The following MYO1B variants were observed in gnomAD, a reference collection of about 807,000 sequenced individuals.
The protein encoded by MYO1B is myosin IB.
MYO1B carries 72 observed loss-of-function variants against 159.7 expected under a neutral mutation model. The ratio of observed to expected loss-of-function variants is 0.45; its 90% confidence interval spans 0.37 to 0.55. MYO1B has a LOEUF of 0.55. MYO1B is among the 20% of genes least tolerant of loss of function. The probability of loss-of-function intolerance (pLI) is 0.00; values close to 1 mark genes in which losing one functional copy is unlikely to be tolerated. For synonymous variants in MYO1B, 468 were observed against 473.8 expected (o/e 0.99, Z 0.16); for missense variants, 1,062 against 1,364.8 (o/e 0.78, Z 3.50).
rs376520033 is a variant in MYO1B at position 191,284,702 on chromosome 2, G to T, written c.135+7672G>T. Among the ~76,000 whole-genome samples, 4 of 152,044 alleles carry T rather than the reference G, an allele frequency of 2.6e-5. No individual in the cohort carries two copies. The East Asian group carries it at 7.7e-4, about 29-fold the overall frequency. On this transcript the variant is annotated intron_variant, in intron 2 of 30. Coordinates refer to ENST00000392318, the MANE Select transcript of MYO1B (RefSeq NM_001130158.3). ...GGCTGGAGTACAGTGGCACCATCTT[G>T]GTTCATTACAACCTCTGCCTCCTGG...
chr2:191,357,630 T>C (rs192560141), intron 7 of MYO1B, among the ~76,000 whole-genome samples: 1 of 152,322 alleles, frequency 6.6e-6, no homozygotes, highest in Admixed American at 6.5e-5. Context: ...AGAGGCTCAA[T>C]TGGCGGTGGT....
At chr2:191,400,296 G>T (rs1007670246) in intron 21 of MYO1B, 86 bp from the exon 22 acceptor site, 8 of 1,410,334 alleles carry the variant, frequency 5.7e-6, no homozygotes, top group South Asian at 1.2e-5. Flanking sequence ...GTGTTAGGAC[G>T]ATCATCTCTT....
At chr2:191,271,941 G>A (rs2125722709) in intron 1 of MYO1B, among the ~76,000 whole-genome samples, 1 of 152,244 alleles carries the variant, frequency 6.6e-6, no homozygotes, top group South Asian at 2.1e-4. Flanking sequence ...GTTAGTGATT[G>A]GGTAGACTCA....
chr2:191,376,620 T>C (rs548362803), intron 13 of MYO1B, among the ~76,000 whole-genome samples: 22 of 152,350 alleles, frequency 1.4e-4, no homozygotes, highest in African/African-American at 5.3e-4. Flanking sequence ...CAGCATGTTA[T>C]ATTCAAAATT....
intron 25 of MYO1B, among the ~76,000 whole-genome samples, chr2:191,408,516 G>A (rs1213434883): frequency 6.6e-6 from 1 of 152,124 alleles, no homozygotes; most frequent in African/African-American, 2.4e-5. Context: ...CTGTGGCAGG[G>A]CAAGGCTGGC....
intron 24 of MYO1B, among the ~76,000 whole-genome samples, chr2:191,403,294 A>G (rs1696726683): frequency 1.3e-5 from 2 of 152,190 alleles, no homozygotes; most frequent in African/African-American, 4.8e-5. Context: ...CTCGAATTCA[A>G]ATACCTTGTG....
intron 1 of MYO1B, among the ~76,000 whole-genome samples, chr2:191,270,568 C>T (rs1476709287): frequency 6.6e-6 from 1 of 152,078 alleles, no homozygotes. Context: ...TTAATCTAAC[C>T]CCTCTCAGAG....
chr2:191,387,280 C>T lies in MYO1B; in HGVS notation c.1611C>T (p.Asp537=). The change falls in exon 17 of 31, where the codon GAC becomes GAT. Residue 537 remains aspartate, a synonymous_variant. Transcript: ENST00000392318. ...VDKNNDLLYR[D]LSQAMWKASH... ...AAAACAATGACCTTCTCTATCGAGACCTGTCCCAAGCCATGTGGAAGGCCA... is the reference window on the plus strand; with the variant it reads ...AAAACAATGACCTTCTCTATCGAGATCTGTCCCAAGCCATGTGGAAGGCCA... 6.2e-7 allele frequency: 1 copy of T among 1,614,154 alleles called. No individual in the cohort carries two copies. The highest frequency in any genetic ancestry group is 8.5e-7 in the Non-Finnish European group (1 of 1,180,036).
chr2:191,318,018 T>C (rs1473677091), intron 3 of MYO1B, among the ~76,000 whole-genome samples: 1 of 152,220 alleles, frequency 6.6e-6, no homozygotes, highest in African/African-American at 2.4e-5. Flanking sequence ...CCAGTTTTTT[T>C]CTGAGCATAT....
chr2:191,285,436 G>A (rs530268908), intron 2 of MYO1B, among the ~76,000 whole-genome samples: 2 of 152,256 alleles, frequency 1.3e-5, no homozygotes, highest in South Asian at 2.1e-4. Context: ...ACAAACTTGC[G>A]GCCACCGTCG....
At chr2:191,350,583 T>TA (rs576583628) in intron 7 of MYO1B, among the ~76,000 whole-genome samples, 6 of 151,624 alleles carry the variant, frequency 4.0e-5, no homozygotes, top group South Asian at 4.2e-4. Context: ...ATGCTTATGA[T>TA]AAAAAAAATA....
intron 13 of MYO1B, among the ~76,000 whole-genome samples, chr2:191,376,789 C>CACTTCTATTT (rs1315090807): frequency 2.0e-5 from 3 of 152,164 alleles, no homozygotes; most frequent in African/African-American, 7.2e-5. Flanking sequence ...ACAGAGCTGC[C>CACTTCTATTT]ACTTCTATTT....
chr2:191,254,398 A>G (rs1686310932), intron 1 of MYO1B, among the ~76,000 whole-genome samples: 1 of 152,004 alleles, frequency 6.6e-6, no homozygotes, highest in Non-Finnish European at 1.5e-5. Context: ...TTTTTGGCAG[A>G]GATGGGGTTT....
At chr2:191,345,332 C>T (rs1692497037) in intron 5 of MYO1B, among the ~76,000 whole-genome samples, 2 of 152,128 alleles carry the variant, frequency 1.3e-5, no homozygotes, top group Non-Finnish European at 1.5e-5. Context: ...AAACAGGGAT[C>T]GCCTCTACTT....
At chr2:191,296,482 G>A (rs1358408651) in intron 3 of MYO1B, among the ~76,000 whole-genome samples, 2 of 152,286 alleles carry the variant, frequency 1.3e-5, no homozygotes, top group East Asian at 3.9e-4. Context: ...TTCTTTGCAA[G>A]TAGCAGCTGC....
At chr2:191,247,764 A>C (rs1267321636) in intron 1 of MYO1B, among the ~76,000 whole-genome samples, 13 of 152,266 alleles carry the variant, frequency 8.5e-5, no homozygotes, top group Admixed American at 8.5e-4. Context: ...GCATCTGAAC[A>C]TTGCTGCTAC....
intron 1 of MYO1B, among the ~76,000 whole-genome samples, chr2:191,252,629 C>T (rs1179263770): frequency 3.3e-5 from 5 of 152,302 alleles, no homozygotes; most frequent in Middle Eastern, 3.4e-3. Context: ...ACCACTGTAA[C>T]CCCTTCATTG....
At chr2:191,271,598 C>G (rs1323250594) in intron 1 of MYO1B, among the ~76,000 whole-genome samples, 1 of 152,036 alleles carries the variant, frequency 6.6e-6, no homozygotes, top group Non-Finnish European at 1.5e-5. Flanking sequence ...AACCTCAGCT[C>G]TGATTTGTGA....
chr2:191,333,220 T>TAA (rs1691606298), intron 4 of MYO1B, among the ~76,000 whole-genome samples: 3 of 152,222 alleles, frequency 2.0e-5, no homozygotes, highest in Non-Finnish European at 1.5e-5. Flanking sequence ...TAATGTGTTC[T>TAA]ACATTTACAC....
Sources: gnomAD v4.1 joint callset for allele counts (sites outside exome capture counted in the v4.1 genomes callset) on GRCh38, gnomAD v4.1.1 for gene constraint, MANE v1.5 for transcripts, NCBI Gene and HGNC (gene_info 2026-07-23, HGNC 2026-07-21) for gene names.